Variants in PIP5K1A observed in about 807,000 individuals in gnomAD.
PIP5K1A encodes phosphatidylinositol 4-phosphate 5-kinase type-1 alpha.
In PIP5K1A, 46 loss-of-function variants were observed where a neutral mutation model predicts 72.9. The observed-to-expected ratio is 0.63, with a 90% CI of 0.50 to 0.81. PIP5K1A has a LOEUF of 0.81. Ranked by LOEUF, PIP5K1A falls within the 30% of genes least tolerant of loss-of-function variation. The probability of loss-of-function intolerance (pLI) is 0.00; values close to 1 mark genes in which losing one functional copy is unlikely to be tolerated. For synonymous variants in PIP5K1A, 228 were observed against 255.1 expected (o/e 0.89, Z 1.01); for missense variants, 458 against 706.1 (o/e 0.65, Z 3.98).
In PIP5K1A at chr1:151,239,988, G is replaced by A. The variant is rs772649098; in HGVS notation, c.1312G>A (p.Ala438Thr). The A allele has an allele frequency of 3.1e-6, 5 of 1,613,048 alleles. No individual in the cohort carries two copies. The highest frequency in any genetic ancestry group is 1.1e-5 in the South Asian group (1 of 91,000). ...TVSVHRPGFYAERFQRFMCNT... is the reference protein window; with the variant it reads ...TVSVHRPGFYTERFQRFMCNT... Reference sequence around the variant, plus strand: ...CTCAGTGCATCGCCCAGGCTTCTACGCTGAACGGTTCCAGCGCTTCATGTG... The same window carrying A: ...CTCAGTGCATCGCCCAGGCTTCTACACTGAACGGTTCCAGCGCTTCATGTG... The change falls in exon 12 of 16, where the codon GCT becomes ACT. Residue 438 changes from alanine (A) to threonine (T), a missense_variant. Around this residue, in one of 3 missense-constraint regions of PIP5K1A, gnomAD observed 157 missense variants for 175.5 expected, o/e 0.89. Coordinates refer to ENST00000368888, the MANE Select transcript of PIP5K1A (RefSeq NM_001135638.2).
chr1:151,219,545 T>A (rs1688102598), intron 1 of PIP5K1A, among the ~76,000 whole-genome samples: 1 of 149,276 alleles, frequency 6.7e-6, no homozygotes, highest in Non-Finnish European at 1.5e-5. Flanking sequence ...AAAAAAAAAA[T>A]TAGCTGGGTG....
chr1:151,232,189 G>A (rs1690182624), intron 5 of PIP5K1A, 59 bp from the exon 6 acceptor site: 1 of 1,139,986 alleles, frequency 8.8e-7, no homozygotes, highest in South Asian at 1.2e-5. Context: ...TCTTCGCAAG[G>A]TAGATTCTCT....
chr1:151,240,021 G>A lies in PIP5K1A; in HGVS notation c.1345G>A (p.Val449Ile). 1 of 1,612,414 alleles carries A rather than the reference G, an allele frequency of 6.2e-7. No individual in the cohort carries two copies. Among genetic ancestry groups the A allele is most frequent in the Non-Finnish European group, 8.5e-7 (1 of 1,178,814 alleles). ...GTTCCAGCGCTTCATGTGCAACACA[G>A]TATTTAAGAAGATTCCCTGTAAGTG... Reference protein sequence around the residue: ...ERFQRFMCNTVFKKIPLKPSP... With the variant: ...ERFQRFMCNTIFKKIPLKPSP... The change falls in exon 12 of 16, where the codon GTA becomes ATA. Residue 449 changes from valine to isoleucine, a missense_variant. Transcript: ENST00000368888.
At chr1:151,208,790 T>C (rs1226910747) in intron 1 of PIP5K1A, among the ~76,000 whole-genome samples, 2 of 129,282 alleles carry the variant, frequency 1.5e-5, no homozygotes, top group Non-Finnish European at 3.1e-5. Flanking sequence ...TGGGGTGCAC[T>C]GGTGCAATCT....
intron 8 of PIP5K1A, among the ~76,000 whole-genome samples, chr1:151,235,090 T>G (rs1200421887): frequency 2.0e-5 from 3 of 152,210 alleles, no homozygotes; most frequent in Non-Finnish European, 4.4e-5. Context: ...TACTTTATTT[T>G]TTATTTTTTG....
intron 1 of PIP5K1A, among the ~76,000 whole-genome samples, chr1:151,222,290 C>A (rs139270570): frequency 1.1e-3 from 163 of 152,314 alleles, no homozygotes; most frequent in African/African-American, 3.6e-3. Context: ...CTAATAGCAT[C>A]ATCACCCTGC....
chr1:151,223,537 C>T (rs1407120632), intron 1 of PIP5K1A, among the ~76,000 whole-genome samples: 26 of 148,606 alleles, frequency 1.7e-4, no homozygotes, highest in African/African-American at 5.9e-4. Flanking sequence ...CCCAGCTACT[C>T]GGGAGGCTGA....
At chr1:151,201,191 C>A (rs955338472) in intron 1 of PIP5K1A, among the ~76,000 whole-genome samples, 7 of 152,086 alleles carry the variant, frequency 4.6e-5, no homozygotes, top group Middle Eastern at 3.2e-3. Context: ...CCCCTCTAAT[C>A]CCCAACCCAG....
intron 1 of PIP5K1A, among the ~76,000 whole-genome samples, chr1:151,209,296 CAG>C (rs1483828738): frequency 6.6e-6 from 1 of 152,032 alleles, no homozygotes; most frequent in Non-Finnish European, 1.5e-5. Flanking sequence ...CCGCCCAAGA[CAG>C]AGTCTTGCTC....
At position 151,198,995 on chromosome 1, in the gene PIP5K1A, A is replaced by G. The variant is rs1558225312; in HGVS notation, c.-2A>G. ...GCCGCTGAGGGGGAGGGGGCTGCTAAGATGGCGTCGGCCTCCTCCGGGCCG... is the reference window on the plus strand; with the variant it reads ...GCCGCTGAGGGGGAGGGGGCTGCTAGGATGGCGTCGGCCTCCTCCGGGCCG... On this transcript the variant is annotated 5_prime_UTR_variant, in exon 1 of 16. Coordinates refer to ENST00000368888, the MANE Select transcript of PIP5K1A (RefSeq NM_001135638.2). The G allele has an allele frequency of 6.2e-7, 1 of 1,613,926 alleles. No homozygotes were observed. Among genetic ancestry groups the G allele is most frequent in the Non-Finnish European group, 8.5e-7 (1 of 1,179,850 alleles).
intron 4 of PIP5K1A, among the ~76,000 whole-genome samples, chr1:151,228,964 C>T (rs1297804253): frequency 2.0e-5 from 3 of 150,790 alleles, no homozygotes; most frequent in African/African-American, 7.3e-5. Context: ...GGTCAGGAGT[C>T]GGAGACCAAC....
At chr1:151,245,005 C>T (rs1692287963) in intron 14 of PIP5K1A, among the ~76,000 whole-genome samples, 1 of 151,634 alleles carries the variant, frequency 6.6e-6, no homozygotes, top group Non-Finnish European at 1.5e-5. Flanking sequence ...AATCCTCCTC[C>T]CTCTGCCTCC....
chr1:151,228,378 G>T (rs1449690234), intron 4 of PIP5K1A, among the ~76,000 whole-genome samples: 1 of 152,124 alleles, frequency 6.6e-6, no homozygotes, highest in East Asian at 1.9e-4. Context: ...TCAAACTCCT[G>T]CCCTCAAGCA....
intron 14 of PIP5K1A, among the ~76,000 whole-genome samples, chr1:151,244,028 T>C (rs963685190): frequency 3.3e-5 from 5 of 151,896 alleles, no homozygotes; most frequent in Non-Finnish European, 7.4e-5. Flanking sequence ...TGAAAATACT[T>C]GAGAGCCTGG....
chr1:151,232,119 G>A, intron 5 of PIP5K1A, 129 bp from the exon 6 acceptor site: 1 of 715,552 alleles, frequency 1.4e-6, no homozygotes, highest in Non-Finnish European at 2.5e-6. Flanking sequence ...AAGAAGGGCT[G>A]TGATTATCTT....
chr1:151,231,940 A>G lies in PIP5K1A; in HGVS notation c.368+139A>G, dbSNP rs1410459986. On this transcript the variant is annotated intron_variant, in intron 5 of 15. Transcript: ENST00000368888. ...CTGGTTACAATCAGGGCGATGTGGG[A>G]CTAGAGAGTTCGGAGAGCAGATACT... The G allele has an allele frequency of 1.5e-5, 12 of 796,202 alleles. No individual in the cohort carries two copies. The Admixed American group carries it at 2.5e-4, about 16-fold the overall frequency. 49.3% of individuals were successfully genotyped at this position (796,202 alleles called of 1,614,324 possible). A position where few individuals can be genotyped will look rare whatever the true frequency, so the allele number is the denominator to read the frequency against.
chr1:151,199,267 A>G, intron 1 of PIP5K1A, 186 bp downstream of exon 1: 1 of 1,222,144 alleles, frequency 8.2e-7, no homozygotes, highest in Non-Finnish European at 1.1e-6. Flanking sequence ...TTTGATTAAG[A>G]AGTTGTCGAA....
intron 1 of PIP5K1A, among the ~76,000 whole-genome samples, chr1:151,208,180 G>T (rs1686216589): frequency 6.6e-6 from 1 of 151,718 alleles, no homozygotes; most frequent in African/African-American, 2.4e-5. Context: ...TTGATATACT[G>T]CTTTTAATTG....
intron 5 of PIP5K1A, 64 bp downstream of exon 5, chr1:151,231,865 A>C: frequency 6.6e-7 from 1 of 1,515,218 alleles, no homozygotes; most frequent in South Asian, 1.1e-5. Flanking sequence ...AGCCCAGGGC[A>C]GTTTTAGGGG....
Sources: allele counts gnomAD v4.1 joint callset (sites outside exome capture counted in the v4.1 genomes callset), GRCh38; gene constraint gnomAD v4.1.1; regional missense constraint gnomAD v4.1.1; transcripts MANE v1.5; gene names NCBI Gene and HGNC (gene_info 2026-07-23, HGNC 2026-07-21).